The following RB1 variants were observed in gnomAD, a reference collection of about 807,000 sequenced individuals.
RB1 encodes the protein retinoblastoma-associated protein.
In RB1, 18 loss-of-function variants were observed where a neutral mutation model predicts 135.4. The observed-to-expected ratio is 0.13, with a 90% CI of 0.09 to 0.20. The LOEUF is 0.20. Among genes scored for constraint, RB1 ranks in the 10% least tolerant of loss-of-function variants. RB1 has a pLI of 1.00. For missense variants in RB1, 868 were observed against 1,110.0 expected (o/e 0.78, Z 3.10); for synonymous variants, 365 against 373.2 (o/e 0.98, Z 0.25).
In RB1 at chr13:48,450,580, T is replaced by C. The variant is rs140737851; in HGVS notation, c.1696-2413T>C. ...GTTACTGTAGCCTTGTAGTATAGTT[T>C]GAAGTCAGGTAGTGTGATGTCTCCA... On this transcript the variant is annotated intron_variant, in intron 17 of 26. Coordinates refer to ENST00000267163, the MANE Select transcript of RB1 (RefSeq NM_000321.3). 5.5e-3 allele frequency among the ~76,000 whole-genome samples: 845 copies of C among 152,324 alleles called. 5 individuals carry two copies. The highest frequency in any genetic ancestry group is 0.01 in the Middle Eastern group (3 of 294).
chr13:48,365,045 T>C (rs987168608), intron 9 of RB1, 74 bp downstream of exon 9: 2 of 1,483,276 alleles, frequency 1.3e-6, no homozygotes, highest in Non-Finnish European at 1.8e-6. Flanking sequence ...CTAACTTTCT[T>C]AGATCAATTT....
chr13:48,418,084 T>C (rs1410957750), intron 17 of RB1, among the ~76,000 whole-genome samples: 2 of 152,060 alleles, frequency 1.3e-5, no homozygotes, highest in Non-Finnish European at 2.9e-5. Context: ...AATCGTCAGA[T>C]TCACCAAGGT....
intron 26 of RB1, among the ~76,000 whole-genome samples, chr13:48,478,590 C>T (rs953176728): frequency 6.6e-6 from 1 of 152,184 alleles, no homozygotes; most frequent in Non-Finnish European, 1.5e-5. Context: ...ATAGTTAGTA[C>T]ATTTCCCAGT....
intron 2 of RB1, among the ~76,000 whole-genome samples, chr13:48,309,343 TG>T (rs1233052318): frequency 6.6e-6 from 1 of 152,218 alleles, no homozygotes; most frequent in Non-Finnish European, 1.5e-5. Context: ...AATGTGTTTA[TG>T]TATGTCCCAT....
intron 17 of RB1, among the ~76,000 whole-genome samples, chr13:48,438,761 A>G (rs1949207973): frequency 6.6e-6 from 1 of 152,206 alleles, no homozygotes; most frequent in Non-Finnish European, 1.5e-5. Context: ...ATTAAATAAT[A>G]TAAGTAATGT....
intron 8 of RB1, among the ~76,000 whole-genome samples, chr13:48,363,204 GTT>G (rs11332935): frequency 9.9e-5 from 14 of 141,746 alleles, no homozygotes; most frequent in African/African-American, 7.9e-5. Flanking sequence ...TTCAAATGTA[GTT>G]TTTTTTTTTT....
rs998954721 is a variant in RB1 at position 48,363,016 on chromosome 13, C to A, written c.861+59C>A. On this transcript the variant is annotated intron_variant, in intron 8 of 26. Transcript: ENST00000267163. The stretch of plus-strand genomic sequence containing the variant: ...AAAGTAGATTTAGATGTAAGTTCTC[C>A]CTAACAATATTTACTTCTTTTGTTA... The A allele has an allele frequency of 1.6e-5, 26 of 1,582,356 alleles. No homozygotes were observed. In the South Asian group the frequency reaches 2.9e-4, roughly 18 times the overall value.
chr13:48,347,340 A>T (rs1037248565), intron 4 of RB1, among the ~76,000 whole-genome samples: 1 of 152,086 alleles, frequency 6.6e-6, no homozygotes, highest in Non-Finnish European at 1.5e-5. Flanking sequence ...TGATATCAGG[A>T]TGTACTTTGA....
At chr13:48,335,377 T>C (rs1298472900) in intron 2 of RB1, among the ~76,000 whole-genome samples, 4 of 152,154 alleles carry the variant, frequency 2.6e-5, no homozygotes, top group Non-Finnish European at 5.9e-5. Flanking sequence ...TTTTTAAGTT[T>C]TGTGGGTACA....
chr13:48,305,578 CTTGGAAAAAAGAGGACTGTTTCTTTCA>C (rs1952074255), intron 1 of RB1, among the ~76,000 whole-genome samples: 1 of 151,952 alleles, frequency 6.6e-6, no homozygotes, highest in African/African-American at 2.4e-5. Context: ...GTGGCCACTG[CTTGGAAAAAAGAGGACTGTTTCTTTCA>C]TTTTTTAACT....
chr13:48,389,228 A>T (rs922806277), intron 17 of RB1, among the ~76,000 whole-genome samples: 3 of 152,046 alleles, frequency 2.0e-5, no homozygotes, highest in Non-Finnish European at 2.9e-5. Flanking sequence ...AGAGAACATT[A>T]CAAAGTCTGA....
At chr13:48,324,839 TTTTG>T (rs1322712137) in intron 2 of RB1, among the ~76,000 whole-genome samples, 7 of 140,380 alleles carry the variant, frequency 5.0e-5, no homozygotes, top group African/African-American at 1.9e-4. Context: ...GCAGTTGTGC[TTTTG>T]TTTTTTTTTT....
At position 48,376,877 on chromosome 13, in the gene RB1, A is replaced by G. The variant is rs200311543; in HGVS notation, c.1216-41A>G. ...AGCAGAAAATATTAATTCTGATTAC[A>G]CAGTATCCTCGACATTGATTTCTGT... On this transcript the variant is annotated intron_variant, in intron 12 of 26. Transcript: ENST00000267163. The G allele has an allele frequency of 8.1e-6, 13 of 1,611,634 alleles. No individual in the cohort carries two copies. In the East Asian group the frequency reaches 2.7e-4, roughly 33 times the overall value.
chr13:48,317,396 G>T (rs1370057081), intron 2 of RB1: 3 of 384,430 alleles, frequency 7.8e-6, no homozygotes, highest in Non-Finnish European at 1.4e-5. Context: ...CACGGGTTCC[G>T]GTGGGTGAAG....
At chr13:48,445,388 T>C (rs1949278385) in intron 17 of RB1, among the ~76,000 whole-genome samples, 1 of 152,208 alleles carries the variant, frequency 6.6e-6, no homozygotes, top group Non-Finnish European at 1.5e-5. Context: ...TTTAAACGTT[T>C]TACCATGGTC....
intron 2 of RB1, among the ~76,000 whole-genome samples, chr13:48,311,351 A>G (rs1400097842): frequency 2.0e-5 from 3 of 152,216 alleles, no homozygotes; most frequent in Admixed American, 2.0e-4. Context: ...TTGCTTAACA[A>G]TGGGAACACA....
chr13:48,466,617 G>A (rs758362201), intron 23 of RB1, among the ~76,000 whole-genome samples: 47 of 150,168 alleles, frequency 3.1e-4, no homozygotes, highest in South Asian at 6.4e-4. Context: ...TCTGAGCTAC[G>A]GGAGGACATT....
Position 48,357,342 on chromosome 13 carries a change from G to A in RB1, c.608-2675G>A, listed in dbSNP as rs114348725. On this transcript the variant is annotated intron_variant, in intron 6 of 26. Coordinates refer to ENST00000267163, the MANE Select transcript of RB1 (RefSeq NM_000321.3). The stretch of plus-strand genomic sequence containing the variant: ...ATCTCAAGCATTTTTTCCATTTTGA[G>A]CTAAACTATTTTTGTAATGGTGTTA... Among the ~76,000 whole-genome samples the A allele has an allele frequency of 6.5e-3, 987 of 151,462 alleles. 15 individuals carry two copies. The highest frequency in any genetic ancestry group is 0.023 in the African/African-American group (941 of 41,294).
Position 48,380,226 on chromosome 13 carries a change from A to G in RB1, c.1483A>G (p.Met495Val), listed in dbSNP as rs746901651. Residue 495 changes from methionine (M) to valine (V), a missense_variant, in exon 16 of 27, where the codon ATG becomes GTG. This residue lies in a region of RB1 where 641 missense variants were observed against 791.3 expected (regional missense o/e 0.81). Transcript: ENST00000267163. ...ATTGGCGTGCGCTCTTGAGGTTGTA[A>G]TGGCCACATATAGCAGTAAGTTAAA... ...SLLACALEVV[M>V]ATYSRSTSQN... 1 of 1,601,244 alleles carries G rather than the reference A, an allele frequency of 6.2e-7. No homozygotes were observed. Among genetic ancestry groups the G allele is most frequent in the Non-Finnish European group, 8.5e-7 (1 of 1,170,164 alleles).
Sources: allele counts gnomAD v4.1 joint callset (sites outside exome capture counted in the v4.1 genomes callset), GRCh38; gene constraint gnomAD v4.1.1; regional missense constraint gnomAD v4.1.1; transcripts MANE v1.5; gene names NCBI Gene and HGNC (gene_info 2026-07-23, HGNC 2026-07-21).